The following RBFOX3 variants were observed in gnomAD, a reference collection of about 807,000 sequenced individuals.
RBFOX3 encodes RNA binding fox-1 homolog 3.
In RBFOX3, 17 loss-of-function variants were observed where a neutral mutation model predicts 48.7. The ratio of observed to expected loss-of-function variants is 0.35; its 90% CI spans 0.24 to 0.52. The LOEUF (loss-of-function observed/expected upper bound fraction) is 0.52, where lower values mean the gene tolerates loss of function less well. Ranked by LOEUF, RBFOX3 falls within the 20% of genes least tolerant of loss-of-function variation. The pLI is 0.94. For missense variants in RBFOX3, 382 were observed against 497.5 expected (o/e 0.77, Z 2.21); for synonymous variants, 212 against 209.5 (o/e 1.01, Z -0.10).
chr17:79,641,878 T>C, the RBFOX3 span, among the ~76,000 whole-genome samples: 752 of 152,292 alleles, frequency 4.9e-3, 9 homozygotes, highest in African/African-American at 0.017. Context: ...CCCCTCTCTC[T>C]TCCTCTTGCT....
the RBFOX3 span, among the ~76,000 whole-genome samples, chr17:79,627,993 C>T: frequency 8.8e-3 from 1,329 of 151,276 alleles, 18 homozygotes; most frequent in African/African-American, 0.028. Context: ...TCTCTGCTGG[C>T]GGCAGAACAA....
At chr17:79,644,237 T>G in the RBFOX3 span, among the ~76,000 whole-genome samples, 2 of 152,122 alleles carry the variant, frequency 1.3e-5, no homozygotes, top group Admixed American at 1.3e-4. Context: ...GTTTTACTGG[T>G]GAATTCTATC....
At chr17:79,485,449 C>G (rs1418635381) in intron 1 of RBFOX3, among the ~76,000 whole-genome samples, 1 of 152,120 alleles carries the variant, frequency 6.6e-6, no homozygotes, top group South Asian at 2.1e-4. Context: ...GAAGCTCCAA[C>G]CCCACTGCTC....
At chr17:79,590,250 G>A (rs1156406478) in intron 1 of RBFOX3, among the ~76,000 whole-genome samples, 9 of 152,286 alleles carry the variant, frequency 5.9e-5, no homozygotes, top group African/African-American at 2.2e-4. Flanking sequence ...CACGCGGTAA[G>A]AGACAAGCAA....
chr17:79,423,199 T>A lies in RBFOX3; in HGVS notation c.-175+59255A>T, dbSNP rs1367073159. Among the ~76,000 whole-genome samples the A allele has an allele frequency of 2.0e-5, 3 of 152,058 alleles. No homozygotes were observed. Among genetic ancestry groups the A allele is most frequent in the African/African-American group, 7.2e-5 (3 of 41,402 alleles). On this transcript the variant is annotated intron_variant, in intron 2 of 14. Coordinates refer to ENST00000693108, the MANE Select transcript of RBFOX3 (RefSeq NM_001350451.2). This position sits in a 1 kb window ranked among gnomAD's most constrained non-coding sequence, Gnocchi z 4.9. ...TGGCGTCACATGTCCAAAACCAAACTCCTCACGTCCTGCGGTCTCCCCGTG... is the reference window on the plus strand; with the variant it reads ...TGGCGTCACATGTCCAAAACCAAACACCTCACGTCCTGCGGTCTCCCCGTG...
In RBFOX3 at chr17:79,246,374, G is replaced by A. The variant is rs534980844; in HGVS notation, c.-73-10569C>T. On this transcript the variant is annotated intron_variant, in intron 3 of 14. Coordinates refer to ENST00000693108, the MANE Select transcript of RBFOX3 (RefSeq NM_001350451.2). ...GGACTGTGGGCCTTGGACACCTTTGGGCTTCCAGATTTCTTGGTCACCTCC... is the reference window on the plus strand; with the variant it reads ...GGACTGTGGGCCTTGGACACCTTTGAGCTTCCAGATTTCTTGGTCACCTCC... Among the ~76,000 whole-genome samples the A allele has an allele frequency of 2.6e-5, 4 of 152,290 alleles. No homozygotes were observed. In the South Asian group the frequency reaches 8.3e-4, roughly 32 times the overall value.
At chr17:79,431,215 G>T (rs148869913) in intron 2 of RBFOX3, among the ~76,000 whole-genome samples, 1 of 152,304 alleles carries the variant, frequency 6.6e-6, no homozygotes, top group Non-Finnish European at 1.5e-5. Flanking sequence ...TCTCACTGCA[G>T]TGGTTATGTT....
At chr17:79,190,014 G>A (rs563667088) in intron 4 of RBFOX3, among the ~76,000 whole-genome samples, 3 of 152,366 alleles carry the variant, frequency 2.0e-5, no homozygotes, top group South Asian at 4.1e-4. Flanking sequence ...CCACCCAGGA[G>A]GCATGCACCG....
intron 1 of RBFOX3, among the ~76,000 whole-genome samples, chr17:79,606,409 T>C (rs936257739): frequency 0.013 from 2,008 of 152,258 alleles, 35 homozygotes; most frequent in African/African-American, 0.025. Flanking sequence ...AGAGGGGGAC[T>C]CCCGTGGTAC....
At chr17:79,164,199 C>T (rs1484170502) in intron 4 of RBFOX3, among the ~76,000 whole-genome samples, 4 of 152,196 alleles carry the variant, frequency 2.6e-5, no homozygotes, top group Non-Finnish European at 4.4e-5. Flanking sequence ...TGGCTGCACC[C>T]CAGGTTCCCC....
At chr17:79,284,608 C>A (rs550038369) in intron 3 of RBFOX3, among the ~76,000 whole-genome samples, 1 of 148,598 alleles carries the variant, frequency 6.7e-6, no homozygotes, top group South Asian at 2.2e-4. Flanking sequence ...GGCTTGATCT[C>A]GACTTACTGC....
chr17:79,598,528 G>A (rs1163320687), intron 1 of RBFOX3: 1 of 152,164 alleles, frequency 6.6e-6, no homozygotes, highest in African/African-American at 2.4e-5. Context: ...TCTCCGAAGT[G>A]CAATGTTGGA....
At chr17:79,145,303 G>GT (rs1306122177) in intron 4 of RBFOX3, among the ~76,000 whole-genome samples, 1 of 152,204 alleles carries the variant, frequency 6.6e-6, no homozygotes, top group Non-Finnish European at 1.5e-5. Flanking sequence ...TGGGCTGAGT[G>GT]TATTTCAAAT....
At position 79,198,969 on chromosome 17, in the gene RBFOX3, T is replaced by G. The variant is rs960178038; in HGVS notation, c.-34+36797A>C. Among the ~76,000 whole-genome samples the G allele has an allele frequency of 1.3e-5, 2 of 152,212 alleles. No homozygotes were observed. The highest frequency in any genetic ancestry group is 1.3e-4 in the Admixed American group (2 of 15,282). On this transcript the variant is annotated intron_variant, in intron 4 of 14. Transcript: ENST00000693108. The surrounding 1 kb of genome is among the most constrained non-coding windows in gnomAD (Gnocchi z 8.2). ...TAATATTCTACTGCTTCCCACTGGT[T>G]AAAATACAAATTGTCTCCTGCAAAG...
chr17:79,428,236 C>T (rs1442032771), intron 2 of RBFOX3, among the ~76,000 whole-genome samples: 1 of 152,246 alleles, frequency 6.6e-6, no homozygotes, highest in East Asian at 1.9e-4. Context: ...TCCACAGTCA[C>T]AGCCTGAAGG....
chr17:79,288,609 C>T (rs767290206), intron 3 of RBFOX3, among the ~76,000 whole-genome samples: 2 of 152,098 alleles, frequency 1.3e-5, no homozygotes, highest in African/African-American at 2.4e-5. Flanking sequence ...ATCCCTCGCC[C>T]GTCATCCCAG....
intron 3 of RBFOX3, among the ~76,000 whole-genome samples, chr17:79,269,097 G>T (rs2143546543): frequency 6.6e-6 from 1 of 151,582 alleles, no homozygotes; most frequent in African/African-American, 2.4e-5. Flanking sequence ...GTCCTTCTGA[G>T]AAGGGGAGAT....
At chr17:79,501,764 C>T (rs2082416549) in intron 1 of RBFOX3, among the ~76,000 whole-genome samples, 1 of 152,244 alleles carries the variant, frequency 6.6e-6, no homozygotes, top group Non-Finnish European at 1.5e-5. Context: ...GACCCATCAT[C>T]TCAGTTTATA....
rs1316507903 is a variant in RBFOX3 at position 79,391,299 on chromosome 17, C to T, written c.-174-83475G>A. 6.6e-6 allele frequency among the ~76,000 whole-genome samples: 1 copy of T among 152,144 alleles called. No individual in the cohort carries two copies. The highest frequency in any genetic ancestry group is 1.5e-5 in the Non-Finnish European group (1 of 68,038). On this transcript the variant is annotated intron_variant, in intron 2 of 14. Coordinates refer to ENST00000693108, the MANE Select transcript of RBFOX3 (RefSeq NM_001350451.2). This position sits in a 1 kb window ranked among gnomAD's most constrained non-coding sequence, Gnocchi z 5.0. ...TCAGCTCCAGCACCTCTCACCTGAC[C>T]CTCAATGACCAGCTGTCTCAGGGGG...
Sources: allele counts gnomAD v4.1 joint callset (sites outside exome capture counted in the v4.1 genomes callset), GRCh38; gene constraint gnomAD v4.1.1; non-coding constraint Gnocchi (gnomAD v3.1); transcripts MANE v1.5; gene names NCBI Gene and HGNC (gene_info 2026-07-23, HGNC 2026-07-21).